SLC25A21: variants seen among roughly 807,000 people sequenced by gnomAD.
SLC25A21 encodes the protein mitochondrial 2-oxodicarboxylate carrier.
A neutral mutation model predicts 43.8 loss-of-function variants in SLC25A21; 47 were observed. The observed-to-expected ratio is 1.07, with a 90% CI of 0.85 to 1.37. SLC25A21 has a LOEUF of 1.37. Among genes scored for constraint, SLC25A21 ranks in the 40% most tolerant of loss-of-function variants. The pLI is 0.00. For missense variants in SLC25A21, 352 were observed against 350.2 expected, an observed-to-expected ratio of 1.00 and a Z score of -0.04; for synonymous variants, 131 against 121.3, an observed-to-expected ratio of 1.08 and a Z score of -0.52.
At chr14:37,011,701 G>T (rs535031409) in intron 1 of SLC25A21, among the ~76,000 whole-genome samples, 2 of 152,244 alleles carry the variant, frequency 1.3e-5, no homozygotes, top group South Asian at 4.1e-4. Context: ...ACTGTTGCAA[G>T]CATTTGATAT....
At chr14:37,102,555 G>C (rs1434160156) in intron 1 of SLC25A21, among the ~76,000 whole-genome samples, 1 of 152,070 alleles carries the variant, frequency 6.6e-6, no homozygotes, top group African/African-American at 2.4e-5. Context: ...GGAAAGGCTG[G>C]GGAAATGTTA....
chr14:37,113,068 G>A (rs948430542), intron 1 of SLC25A21, among the ~76,000 whole-genome samples: 5 of 152,102 alleles, frequency 3.3e-5, no homozygotes, highest in Admixed American at 6.6e-5. Context: ...GCTCGGTCAA[G>A]TCACACTAAG....
chr14:37,098,778 C>CAGATAGATAGATAGAT (rs1465755836), intron 1 of SLC25A21, among the ~76,000 whole-genome samples: 102 of 115,388 alleles, frequency 8.8e-4, no homozygotes, highest in African/African-American at 3.6e-3. Flanking sequence ...GACAGACAGA[C>CAGATAGATAGATAGAT]AGACAGACAG....
In SLC25A21 at chr14:36,977,772, A is replaced by C. The variant is rs556715357; in HGVS notation, c.71-102768T>G. Among the ~76,000 whole-genome samples the C allele has an allele frequency of 1.6e-3, 247 of 152,296 alleles. 1 individual carries two copies. Among genetic ancestry groups the C allele is most frequent in the African/African-American group, 5.5e-3 (227 of 41,562 alleles). On this transcript the variant is annotated intron_variant, in intron 1 of 9. Transcript: ENST00000331299. Reference sequence around the variant, plus strand: ...AGAAGTAATGTATTACTTAATTTTCAAAGCTGAAAAAGATTTTATATCCTT... The same window carrying C: ...AGAAGTAATGTATTACTTAATTTTCCAAGCTGAAAAAGATTTTATATCCTT...
chr14:37,169,849 G>C (rs1456639825), intron 1 of SLC25A21, among the ~76,000 whole-genome samples: 2 of 151,822 alleles, frequency 1.3e-5, no homozygotes, highest in Non-Finnish European at 2.9e-5. Context: ...GAAAGTATAA[G>C]TTACTCTAAT....
chr14:36,898,101 C>T (rs2098827334), intron 1 of SLC25A21, among the ~76,000 whole-genome samples: 1 of 152,204 alleles, frequency 6.6e-6, no homozygotes, highest in Non-Finnish European at 1.5e-5. Flanking sequence ...GATTCTGCTG[C>T]ATTTTGTTTC....
intron 1 of SLC25A21, among the ~76,000 whole-genome samples, chr14:37,136,156 C>T (rs1055792833): frequency 5.3e-5 from 8 of 152,164 alleles, no homozygotes; most frequent in African/African-American, 1.9e-4. Flanking sequence ...GGGAGACATT[C>T]TGATCTCCTG....
chr14:37,106,417 G>A (rs770662366), intron 1 of SLC25A21, among the ~76,000 whole-genome samples: 25 of 152,064 alleles, frequency 1.6e-4, no homozygotes, highest in Non-Finnish European at 4.4e-5. Context: ...TGTCTTATGC[G>A]GTTGAGATAA....
In SLC25A21 at chr14:36,734,555, CT is replaced by C. The variant is rs1432294533; in HGVS notation, c.221del (p.Lys74ArgfsTer16). On this transcript the variant is annotated frameshift_variant, in exon 4 of 10. Transcript: ENST00000331299. LOFTEE classifies it high-confidence loss of function. ...CAGCCAAGATAGGTGGCAGAATTCC[CT>C]TGTAAAAACCAAATAACCTGTTGGA... ...FQMEGLFGFY[K>X]GILPPILAET... 6.2e-6 allele frequency: 10 copies of C among 1,606,118 alleles called. No homozygotes were observed. Among genetic ancestry groups the C allele is most frequent in the Non-Finnish European group, 8.5e-6 (10 of 1,175,822 alleles).
intron 1 of SLC25A21, among the ~76,000 whole-genome samples, chr14:36,911,010 G>A (rs1434681303): frequency 1.3e-5 from 2 of 152,166 alleles, no homozygotes; most frequent in East Asian, 1.9e-4. Context: ...AACCCAGCCT[G>A]TTAGTTTTCT....
rs562256718 is a variant in SLC25A21, at chr14:37,066,384, C to T, written c.70+105897G>A. Among the ~76,000 whole-genome samples, 5 of 151,982 alleles carry T rather than the reference C, an allele frequency of 3.3e-5. No homozygotes were observed. In the South Asian group the frequency reaches 1.0e-3, roughly 32 times the overall value. ...AAAGACATGACAACTAAATGCAATA[C>T]CTGACTCTACACTGCACATGGCACT... On this transcript the variant is annotated intron_variant, in intron 1 of 9. Coordinates refer to ENST00000331299, the MANE Select transcript of SLC25A21 (RefSeq NM_030631.4).
At chr14:36,853,497 G>A (rs1472915439) in intron 2 of SLC25A21, among the ~76,000 whole-genome samples, 2 of 152,008 alleles carry the variant, frequency 1.3e-5, no homozygotes, top group African/African-American at 4.8e-5. Flanking sequence ...GCAGACCCAG[G>A]ACCAGCTTGA....
At chr14:36,758,455 C>T (rs917674437) in intron 3 of SLC25A21, among the ~76,000 whole-genome samples, 1 of 152,008 alleles carries the variant, frequency 6.6e-6, no homozygotes, top group African/African-American at 2.4e-5. Context: ...GTTTATAATT[C>T]AGATGTCTCC....
At chr14:36,786,289 A>G (rs1594586460) in intron 3 of SLC25A21, among the ~76,000 whole-genome samples, 1 of 152,362 alleles carries the variant, frequency 6.6e-6, no homozygotes, top group Admixed American at 6.5e-5. Context: ...GCTGTTTGGC[A>G]TGTTTCAAGC....
At chr14:37,045,900 T>C (rs1269119462) in intron 1 of SLC25A21, among the ~76,000 whole-genome samples, 1 of 152,210 alleles carries the variant, frequency 6.6e-6, no homozygotes, top group Non-Finnish European at 1.5e-5. Context: ...ATGCTAAGCA[T>C]GGTTGTGCTA....
intron 3 of SLC25A21, among the ~76,000 whole-genome samples, chr14:36,759,114 C>T (rs1460670803): frequency 1.3e-5 from 2 of 152,184 alleles, no homozygotes; most frequent in African/African-American, 4.8e-5. Context: ...GACCTGCCAG[C>T]CCCTAATGCA....
At chr14:36,953,483 T>A (rs1402796916) in intron 1 of SLC25A21, among the ~76,000 whole-genome samples, 1 of 152,158 alleles carries the variant, frequency 6.6e-6, no homozygotes, top group African/African-American at 2.4e-5. Flanking sequence ...AGTTTATAAG[T>A]GGTTAGCTCA....
At chr14:36,703,274 A>G (rs1883360603) in intron 7 of SLC25A21, among the ~76,000 whole-genome samples, 1 of 152,194 alleles carries the variant, frequency 6.6e-6, no homozygotes, top group African/African-American at 2.4e-5. Flanking sequence ...TTTTTCATTC[A>G]GCTCAGGGCA....
At chr14:37,008,928 A>G (rs1301598876) in intron 1 of SLC25A21, among the ~76,000 whole-genome samples, 1 of 152,236 alleles carries the variant, frequency 6.6e-6, no homozygotes, top group Non-Finnish European at 1.5e-5. Flanking sequence ...CAATAATTTG[A>G]AATGGAAAAC....
Sources: gnomAD v4.1 joint callset for allele counts (sites outside exome capture counted in the v4.1 genomes callset) on GRCh38, gnomAD v4.1.1 for gene constraint, MANE v1.5 for transcripts, NCBI Gene and HGNC (gene_info 2026-07-23, HGNC 2026-07-21) for gene names.